AHR: variants seen among roughly 807,000 people sequenced by gnomAD.
AHR encodes aryl hydrocarbon receptor.
A neutral mutation model predicts 86.8 loss-of-function variants in AHR; 40 were observed. The observed-to-expected ratio is 0.46, with a 90% CI of 0.36 to 0.60. AHR has a LOEUF of 0.60. Among genes scored for constraint, AHR ranks in the 20% least tolerant of loss-of-function variants. The pLI is 0.00. For synonymous variants in AHR, 398 were observed against 354.9 expected (o/e 1.12, Z -1.37); for missense variants, 1,001 against 1,011.6 (o/e 0.99, Z 0.14).
At chr7:17,299,499 A>G (rs888557218) in intron 1 of AHR, 170 bp downstream of exon 1, 2 of 736,154 alleles carry the variant, frequency 2.7e-6, no homozygotes, top group Non-Finnish European at 4.3e-6. Context: ...GAGGACTTGG[A>G]TTCTCCCGTT....
Position 17,334,963 on chromosome 7 carries a change from G to C in AHR, c.985G>C (p.Asp329His). The change falls in exon 8 of 11, where the codon GAT (aspartate) becomes CAT (histidine). Residue 329 changes from aspartate (D) to histidine (H), a missense_variant. By Grantham distance (81) the Asp-to-His change is moderately conservative. Coordinates refer to ENST00000242057, the MANE Select transcript of AHR (RefSeq NM_001621.5). ...AGGTTATCAGTTTATTCATGCAGCT[G>C]ATATGCTTTATTGTGCCGAGTCCCA... Reference protein sequence around the residue: ...GSGYQFIHAADMLYCAESHIR... With the variant: ...GSGYQFIHAAHMLYCAESHIR... 6.2e-7 allele frequency: 1 copy of C among 1,613,266 alleles called. No individual in the cohort carries two copies. The highest frequency in any genetic ancestry group is 8.5e-7 in the Non-Finnish European group (1 of 1,179,414).
rs1782444736 is a variant in AHR at position 17,343,178 on chromosome 7, A to G, written c.*114A>G. ...CAAGTTCACATGGAGGCATTGATGC[A>G]TGCTATTCACAATTATTCCAAACCA... On this transcript the variant is annotated 3_prime_UTR_variant, in exon 11 of 11. Coordinates refer to ENST00000242057, the MANE Select transcript of AHR (RefSeq NM_001621.5). 3.2e-6 allele frequency: 4 copies of G among 1,236,558 alleles called. No homozygotes were observed. The highest frequency in any genetic ancestry group is 2.3e-5 in the East Asian group (1 of 43,036). The allele number at this position is 1,236,558 out of a possible 1,614,324, so 76.6% of individuals were successfully genotyped here.
intron 2 of AHR, among the ~76,000 whole-genome samples, chr7:17,320,731 C>T (rs777059984): frequency 9.2e-5 from 14 of 152,096 alleles, no homozygotes; most frequent in Admixed American, 3.9e-4. Flanking sequence ...AGGCCATTCT[C>T]TCTTCTGCCA....
In AHR at chr7:17,334,935, C is replaced by G. The variant is rs1477678119; in HGVS notation, c.957C>G (p.Gly319=). 5 of 1,613,106 alleles carry G rather than the reference C, an allele frequency of 3.1e-6. No individual in the cohort carries two copies. The highest frequency in any genetic ancestry group is 4.2e-6 in the Non-Finnish European group (5 of 1,179,420). Residue 319 remains glycine (G), a synonymous_variant, in exon 8 of 11, where the codon GGC becomes GGG. Transcript: ENST00000242057. ...GYTEAELCTR[G]SGYQFIHAAD... Reference sequence around the variant, plus strand: ...CTGAAGCAGAGCTGTGCACGAGAGGCTCAGGTTATCAGTTTATTCATGCAG... The same window carrying G: ...CTGAAGCAGAGCTGTGCACGAGAGGGTCAGGTTATCAGTTTATTCATGCAG...
chr7:17,324,304 CATTATAG>C (rs1477162400), intron 3 of AHR, among the ~76,000 whole-genome samples: 1 of 152,110 alleles, frequency 6.6e-6, no homozygotes, highest in Non-Finnish European at 1.5e-5. Context: ...TGACTAAAAA[CATTATAG>C]ATATGTGGAA....
intron 9 of AHR, among the ~76,000 whole-genome samples, chr7:17,336,644 A>G (rs542399395): frequency 7.9e-5 from 12 of 152,130 alleles, no homozygotes; most frequent in Non-Finnish European, 1.3e-4. Flanking sequence ...ACATCTTTTT[A>G]ATACTGAATC....
chr7:17,311,726 T>C (rs1014320957), intron 2 of AHR, among the ~76,000 whole-genome samples: 1 of 152,178 alleles, frequency 6.6e-6, no homozygotes, highest in Non-Finnish European at 1.5e-5. Flanking sequence ...GTTGCCTCTA[T>C]ACCAAACCCT....
In AHR at chr7:17,339,079, C is replaced by T. The variant is rs765026840; in HGVS notation, c.1254C>T (p.Asn418=). 6.2e-7 allele frequency: 1 copy of T among 1,614,088 alleles called. No homozygotes were observed. The highest frequency in any genetic ancestry group is 8.5e-7 in the Non-Finnish European group (1 of 1,180,010). The change falls in exon 10 of 11, where the codon AAC becomes AAT. Residue 418 remains asparagine (N), a synonymous_variant. Coordinates refer to ENST00000242057, the MANE Select transcript of AHR (RefSeq NM_001621.5). ...AAGCTGTGTTGTATGAGGCAACCAA[C>T]CCTTTTCCTGCCATAATGGATCCCT... The part of the protein sequence containing the change: ...TGEAVLYEAT[N]PFPAIMDPLP...
intron 2 of AHR, among the ~76,000 whole-genome samples, chr7:17,311,062 T>A (rs1782059315): frequency 6.6e-6 from 1 of 152,216 alleles, no homozygotes; most frequent in South Asian, 2.1e-4. Flanking sequence ...GGATGATATT[T>A]GTTACCTTTA....
rs754853175 is a variant in AHR, at chr7:17,335,654, C to G, written c.1028C>G (p.Thr343Ser). The stretch of plus-strand genomic sequence containing the variant: ...TTTAATTTTATTTTAGTGATTAAGA[C>G]TGGAGAAAGTGGCATGATAGTTTTC... ...CAESHIRMIK[T>S]GESGMIVFRL... The change falls in exon 9 of 11, where the codon ACT (threonine) becomes AGT (serine). Residue 343 changes from threonine (T) to serine (S), a missense_variant. Physicochemically the swap from Thr to Ser is moderately conservative, Grantham distance 58. Around this residue, in one of 2 missense-constraint regions of AHR, gnomAD observed 394 missense variants for 468.5 expected, o/e 0.84. Transcript: ENST00000242057. 1.9e-6 allele frequency: 3 copies of G among 1,565,804 alleles called. No individual in the cohort carries two copies. The South Asian group carries it at 3.5e-5, about 18-fold the overall frequency.
rs1160542077 is a variant in AHR, at chr7:17,344,100, T to C, written c.*1036T>C. 6.5e-6 allele frequency: 1 copy of C among 152,734 alleles called. No homozygotes were observed. Among genetic ancestry groups the C allele is most frequent in the African/African-American group, 2.4e-5 (1 of 41,472 alleles). 9.5% of individuals were successfully genotyped at this position (152,734 alleles called of 1,614,324 possible). A position where few individuals can be genotyped will look rare whatever the true frequency, so the allele number is the denominator to read the frequency against. On this transcript the variant is annotated 3_prime_UTR_variant, in exon 11 of 11. Transcript: ENST00000242057. Reference sequence around the variant, plus strand: ...TTGCAAGAAGCTTTATTTCTAGCTTTTTAATTAAGCAAAGCACCCATTTCA... The same window carrying C: ...TTGCAAGAAGCTTTATTTCTAGCTTCTTAATTAAGCAAAGCACCCATTTCA...
chr7:17,310,425 A>C (rs1350123203), intron 2 of AHR, among the ~76,000 whole-genome samples: 1 of 152,036 alleles, frequency 6.6e-6, no homozygotes, highest in African/African-American at 2.4e-5. Flanking sequence ...TCAATATTTA[A>C]AAGTCTTTTT....
chr7:17,335,771 C>T lies in AHR; in HGVS notation c.1145C>T (p.Thr382Ile). 6.2e-7 allele frequency: 1 copy of T among 1,612,888 alleles called. No individual in the cohort carries two copies. Among genetic ancestry groups the T allele is most frequent in the Non-Finnish European group, 8.5e-7 (1 of 1,179,416 alleles). ...GGAAGACCAGATTATATCATTGTAA[C>T]TCAGAGACCACTAACGTAAGCACAA... ...KNGRPDYIIV[T>I]QRPLTDEEGT... The change falls in exon 9 of 11, where the codon ACT becomes ATT. Residue 382 changes from threonine to isoleucine, a missense_variant. Coordinates refer to ENST00000242057, the MANE Select transcript of AHR (RefSeq NM_001621.5).
At chr7:17,315,239 A>T (rs1355703439) in intron 2 of AHR, among the ~76,000 whole-genome samples, 1 of 151,982 alleles carries the variant, frequency 6.6e-6, no homozygotes, top group Admixed American at 6.6e-5. Flanking sequence ...CAGGAATTTA[A>T]TCTCTCTTTT....
At chr7:17,325,344 A>T (rs776911102) in intron 3 of AHR, among the ~76,000 whole-genome samples, 3 of 152,166 alleles carry the variant, frequency 2.0e-5, no homozygotes, top group Non-Finnish European at 2.9e-5. Context: ...CAATGAGTTT[A>T]TTGGAATGTG....
chr7:17,302,158 G>A (rs1210768744), intron 1 of AHR, among the ~76,000 whole-genome samples: 6 of 151,868 alleles, frequency 4.0e-5, no homozygotes. Context: ...CAGCTTACCT[G>A]TACATAGAAA....
At chr7:17,324,359 G>C (rs1014924543) in intron 3 of AHR, among the ~76,000 whole-genome samples, 6 of 152,140 alleles carry the variant, frequency 3.9e-5, no homozygotes, top group Non-Finnish European at 2.9e-5. Flanking sequence ...AATGACATCT[G>C]ACTTTATATT....
chr7:17,299,454 C>G (rs12112861), intron 1 of AHR, 125 bp downstream of exon 1: 77 of 1,107,908 alleles, frequency 7.0e-5, no homozygotes, highest in Middle Eastern at 4.0e-4. Context: ...CGGCACTGCC[C>G]GTGGAATCGA....
At position 17,339,814 on chromosome 7, in the gene AHR, T is replaced by C; in HGVS notation, c.1989T>C (p.Asn663=). 1 of 1,614,208 alleles carries C rather than the reference T, an allele frequency of 6.2e-7. No homozygotes were observed. Among genetic ancestry groups the C allele is most frequent in the Non-Finnish European group, 8.5e-7 (1 of 1,180,040 alleles). The change falls in exon 10 of 11, where the codon AAT becomes AAC. Residue 663 remains asparagine, a synonymous_variant. Transcript: ENST00000242057. ...NWNSNQFVPF[N]CPQQDPQQYN... ...ACTCTAACCAATTCGTGCCTTTCAATTGTCCACAGCAAGACCCACAACAAT... is the reference window on the plus strand; with the variant it reads ...ACTCTAACCAATTCGTGCCTTTCAACTGTCCACAGCAAGACCCACAACAAT...
Sources: gnomAD v4.1 joint callset for allele counts (sites outside exome capture counted in the v4.1 genomes callset) on GRCh38, gnomAD v4.1.1 for gene constraint, gnomAD v4.1.1 regional missense constraint, MANE v1.5 for transcripts, NCBI Gene and HGNC (gene_info 2026-07-23, HGNC 2026-07-21) for gene names.